The following CNTN5 variants were observed in gnomAD, a reference collection of about 807,000 sequenced individuals.
The protein encoded by CNTN5 is contactin-5.
A neutral mutation model predicts 129.1 loss-of-function variants in CNTN5; 77 were observed. The observed-to-expected ratio is 0.60, with a 90% CI of 0.50 to 0.72. The LOEUF is 0.72. Among genes scored for constraint, CNTN5 ranks in the 30% least tolerant of loss-of-function variants. The pLI, the probability that CNTN5 is intolerant of heterozygous loss-of-function variation, is 0.00. For missense variants in CNTN5, 1,478 were observed against 1,328.8 expected, an observed-to-expected ratio of 1.11 and a Z score of -1.75; for synonymous variants, 509 against 465.6, an observed-to-expected ratio of 1.09 and a Z score of -1.20.
intron 3 of CNTN5, among the ~76,000 whole-genome samples, chr11:99,584,576 GTCTCACTCAATAATA>G (rs1245975255): frequency 6.6e-6 from 1 of 152,102 alleles, no homozygotes; most frequent in African/African-American, 2.4e-5. Context: ...ATTAAATCTT[GTCTCACTCAATAATA>G]TCTCCCATGA....
intron 2 of CNTN5, among the ~76,000 whole-genome samples, chr11:99,361,446 A>C (rs930185247): frequency 2.6e-5 from 4 of 152,178 alleles, no homozygotes; most frequent in Admixed American, 2.6e-4. Context: ...TGATTTGATC[A>C]TATCAGGGAT....
chr11:100,021,217 A>ACTTGTCTT (rs1236318205), intron 9 of CNTN5, among the ~76,000 whole-genome samples: 1 of 152,110 alleles, frequency 6.6e-6, no homozygotes, highest in Non-Finnish European at 1.5e-5. Flanking sequence ...ATGTATTGAG[A>ACTTGTCTT]CTTGTCTTAT....
chr11:99,417,318 C>A (rs553287713), intron 2 of CNTN5, among the ~76,000 whole-genome samples: 1 of 152,016 alleles, frequency 6.6e-6, no homozygotes, highest in South Asian at 2.1e-4. Context: ...CAAAAATACA[C>A]GGATTATTAA....
intron 3 of CNTN5, among the ~76,000 whole-genome samples, chr11:99,626,281 A>G (rs1690814): frequency 0.61 from 92,880 of 151,912 alleles, 29,283 homozygotes; most frequent in Admixed American, 0.74. Flanking sequence ...CTTGGATCCA[A>G]ATTGTTCAGT....
chr11:99,832,531 G>A (rs1947175333), intron 4 of CNTN5, among the ~76,000 whole-genome samples: 1 of 152,108 alleles, frequency 6.6e-6, no homozygotes, highest in Admixed American at 6.5e-5. Context: ...TCAATTCTTA[G>A]AAATCCTTGA....
chr11:99,302,084 T>G (rs1375147490), intron 1 of CNTN5, among the ~76,000 whole-genome samples: 1 of 151,658 alleles, frequency 6.6e-6, no homozygotes, highest in Non-Finnish European at 1.5e-5. Flanking sequence ...TGTAGCAGTT[T>G]GTAGAGAGAA....
chr11:100,006,570 A>G (rs770689236), intron 9 of CNTN5, among the ~76,000 whole-genome samples: 1 of 152,148 alleles, frequency 6.6e-6, no homozygotes, highest in Non-Finnish European at 1.5e-5. Flanking sequence ...TTCAACTTTT[A>G]TCGTGAGATT....
At chr11:99,505,181 G>A (rs1191008226) in intron 2 of CNTN5, among the ~76,000 whole-genome samples, 1 of 152,036 alleles carries the variant, frequency 6.6e-6, no homozygotes, top group Non-Finnish European at 1.5e-5. Flanking sequence ...GAAAGCGCTG[G>A]ACTTGTTTAA....
chr11:100,021,067 AT>A (rs550902432), intron 9 of CNTN5, among the ~76,000 whole-genome samples: 5 of 152,058 alleles, frequency 3.3e-5, no homozygotes, highest in African/African-American at 1.2e-4. Flanking sequence ...TATTTTATGA[AT>A]TTTTTTAAAA....
intron 13 of CNTN5, among the ~76,000 whole-genome samples, chr11:100,090,234 A>G (rs980452880): frequency 4.6e-5 from 7 of 152,070 alleles, no homozygotes; most frequent in African/African-American, 1.4e-4. Context: ...CAAACCCACA[A>G]CCAACATCAT....
chr11:100,233,475 A>T (rs1169917314), intron 16 of CNTN5, among the ~76,000 whole-genome samples: 1 of 152,350 alleles, frequency 6.6e-6, no homozygotes, highest in East Asian at 1.9e-4. Flanking sequence ...CTTTGTCATT[A>T]CCATCTATCT....
At chr11:100,126,098 C>A (rs1946174261) in intron 13 of CNTN5, among the ~76,000 whole-genome samples, 1 of 151,926 alleles carries the variant, frequency 6.6e-6, no homozygotes, top group African/African-American at 2.4e-5. Flanking sequence ...GTTTTCCATG[C>A]AATTGTGTGG....
In CNTN5 at chr11:99,535,091, G is replaced by A. The variant is rs368551358; in HGVS notation, c.-70-21054G>A. Among the ~76,000 whole-genome samples the A allele has an allele frequency of 2.4e-3, 363 of 152,262 alleles. 4 individuals are homozygous for A. The highest frequency in any genetic ancestry group is 8.2e-3 in the African/African-American group (341 of 41,558). Reference sequence around the variant, plus strand: ...GAAGAATATAGTCTGCACTAATGCTGAAGCCGTTAAAGGAATTTGATGAGC... The same window carrying A: ...GAAGAATATAGTCTGCACTAATGCTAAAGCCGTTAAAGGAATTTGATGAGC... On this transcript the variant is annotated intron_variant, in intron 2 of 24. Transcript: ENST00000524871.
chr11:99,474,517 C>T (rs2656160), intron 2 of CNTN5, among the ~76,000 whole-genome samples: 1 of 151,788 alleles, frequency 6.6e-6, no homozygotes, highest in Non-Finnish European at 1.5e-5. Context: ...AAAAAAAGCC[C>T]ATTTCGTTGT....
intron 4 of CNTN5, among the ~76,000 whole-genome samples, chr11:99,837,818 ATTAT>A (rs1456942881): frequency 1.3e-5 from 2 of 152,042 alleles, no homozygotes; most frequent in African/African-American, 2.4e-5. Context: ...TATGATTAAA[ATTAT>A]TTAAGGTCAG....
intron 1 of CNTN5, among the ~76,000 whole-genome samples, chr11:99,253,097 G>T (rs191945229): frequency 6.6e-6 from 1 of 152,068 alleles, no homozygotes; most frequent in East Asian, 1.9e-4. Context: ...CGATTCAAGG[G>T]CAAGGCTAGC....
chr11:99,755,563 T>C (rs901934571), intron 3 of CNTN5, among the ~76,000 whole-genome samples: 1 of 152,266 alleles, frequency 6.6e-6, no homozygotes, highest in Admixed American at 6.5e-5. Flanking sequence ...GTTTTTTAAT[T>C]GGGATTTTTT....
intron 3 of CNTN5, among the ~76,000 whole-genome samples, chr11:99,633,162 C>A (rs562681526): frequency 6.6e-6 from 1 of 152,080 alleles, no homozygotes. Context: ...GAGGAAAGAA[C>A]TTTCAGTTTC....
intron 3 of CNTN5, among the ~76,000 whole-genome samples, chr11:99,778,807 T>G (rs1003787645): frequency 6.6e-6 from 1 of 151,854 alleles, no homozygotes; most frequent in Admixed American, 6.6e-5. Flanking sequence ...CAATAAAATA[T>G]TCACCATTTC....
Sources: allele counts gnomAD v4.1 joint callset (sites outside exome capture counted in the v4.1 genomes callset), GRCh38; gene constraint gnomAD v4.1.1; transcripts MANE v1.5; gene names NCBI Gene and HGNC (gene_info 2026-07-23, HGNC 2026-07-21).